Variants in PTCHD1 observed in about 807,000 individuals in gnomAD.
PTCHD1 encodes patched domain containing 1, also known as patched domain-containing protein 1.
PTCHD1 carries 3 observed loss-of-function variants against 34.6 expected under a neutral mutation model. That is an observed-to-expected ratio of 0.09 (90% CI 0.04 to 0.22). PTCHD1 has a LOEUF of 0.22. Among genes scored for constraint, PTCHD1 ranks in the 10% least tolerant of loss-of-function variants. The pLI, the probability that PTCHD1 is intolerant of heterozygous loss-of-function variation, is 1.00. For missense variants in PTCHD1, 504 were observed against 685.5 expected (o/e 0.74, Z 2.96); for synonymous variants, 305 against 283.1 (o/e 1.08, Z -0.77).
At chrX:23,392,314 GC>G (rs781602105) in intron 2 of PTCHD1, among the ~76,000 whole-genome samples, 53 of 109,888 alleles carry the variant, frequency 4.8e-4, no homozygotes, top group Non-Finnish European at 1.3e-4. Context: ...GAAGATCTTT[GC>G]TTCTCTAGCT....
In PTCHD1 at chrX:23,343,464, A is replaced by C. The variant is rs1921396122; in HGVS notation, c.351+8238A>C. 3.6e-5 allele frequency among the ~76,000 whole-genome samples: 4 copies of C among 111,877 alleles called. No individual in the cohort carries two copies. The Admixed American group carries it at 3.8e-4, about 11-fold the overall frequency. On this transcript the variant is annotated intron_variant, in intron 1 of 2. Coordinates refer to ENST00000379361, the MANE Select transcript of PTCHD1 (RefSeq NM_173495.3). The stretch of plus-strand genomic sequence containing the variant: ...ACTACACATTCCCTTATTTACTTAA[A>C]GAAAAGTCTCAAAACATTGGCCACA...
At chrX:23,347,427 A>C (rs979354230) in intron 1 of PTCHD1, among the ~76,000 whole-genome samples, 1 of 112,128 alleles carries the variant, frequency 8.9e-6, no homozygotes, top group Non-Finnish European at 1.9e-5. Flanking sequence ...GGAAAATCCA[A>C]CGTCAACAAG....
At chrX:23,347,676 T>G (rs1921512774) in intron 1 of PTCHD1, among the ~76,000 whole-genome samples, 1 of 111,443 alleles carries the variant, frequency 9.0e-6, no homozygotes, top group African/African-American at 3.3e-5. Flanking sequence ...GACTCGGATA[T>G]GGGAATTTAA....
At chrX:23,357,489 C>T (rs185925412) in intron 1 of PTCHD1, among the ~76,000 whole-genome samples, 110 of 110,904 alleles carry the variant, frequency 9.9e-4, no homozygotes, top group African/African-American at 3.2e-3. Flanking sequence ...TATATGCCTA[C>T]TCTGTGATCC....
rs138258444 is a variant in PTCHD1 at position 23,352,119 on chromosome X, G to A, written c.351+16893G>A. Among the ~76,000 whole-genome samples, 114 of 112,052 alleles carry A rather than the reference G, an allele frequency of 1.0e-3. No homozygotes were observed. In the East Asian group the frequency reaches 0.029, roughly 29 times the overall value. On this transcript the variant is annotated intron_variant, in intron 1 of 2. Coordinates refer to ENST00000379361, the MANE Select transcript of PTCHD1 (RefSeq NM_173495.3). ...TGACCTTAAAAAGAGAGAGAGCCAT[G>A]GGCCTTGATTTTCACAGGAGGGCGA...
At chrX:23,377,054 A>G (rs1470588062) in intron 1 of PTCHD1, among the ~76,000 whole-genome samples, 1 of 112,123 alleles carries the variant, frequency 8.9e-6, no homozygotes, top group Non-Finnish European at 1.9e-5. Context: ...ATCCCTAAAG[A>G]GTTTACAACT....
chrX:23,352,850 G>C (rs1361906304), intron 1 of PTCHD1, among the ~76,000 whole-genome samples: 2 of 111,886 alleles, frequency 1.8e-5, no homozygotes, highest in South Asian at 7.6e-4. Flanking sequence ...AGACTCTCAG[G>C]CTTCACCCAG....
At chrX:23,383,504 A>T (rs1454538187) in intron 2 of PTCHD1, among the ~76,000 whole-genome samples, 1 of 111,967 alleles carries the variant, frequency 8.9e-6, no homozygotes, top group Non-Finnish European at 1.9e-5. Context: ...AATTTGGATA[A>T]ACTCTTAAGA....
At chrX:23,368,726 T>C (rs1032135873) in intron 1 of PTCHD1, among the ~76,000 whole-genome samples, 1 of 112,048 alleles carries the variant, frequency 8.9e-6, no homozygotes, top group Admixed American at 9.4e-5. Flanking sequence ...TGTTTTGTTT[T>C]TTTCTTTTTC....
At chrX:23,342,306 A>G (rs1291373562) in intron 1 of PTCHD1, among the ~76,000 whole-genome samples, 1 of 9,840 alleles carries the variant, frequency 1.0e-4, no homozygotes. Context: ...ATATATATAT[A>G]TATATTTTTT....
Position 23,380,251 on chromosome X carries a change from G to A in PTCHD1, c.1012G>A (p.Gly338Ser), listed in dbSNP as rs760141022. Residue 338 changes from glycine (G) to serine (S), a missense_variant and splice_region_variant, in exon 2 of 3, where the codon GGT becomes AGT. Transcript: ENST00000379361. The part of the protein sequence containing the change: ...TFLGVPFVML[G>S]HGLYGTFEML... Reference sequence around the variant, plus strand: ...CCTGGGAGTCCCTTTCGTCATGCTAGGTAATTACTACTCTTCTTTCTTCTG... The same window carrying A: ...CCTGGGAGTCCCTTTCGTCATGCTAAGTAATTACTACTCTTCTTTCTTCTG... 8.3e-7 allele frequency: 1 copy of A among 1,205,059 alleles called. No individual in the cohort carries two copies. The highest frequency in any genetic ancestry group is 1.1e-6 in the Non-Finnish European group (1 of 890,291).
At chrX:23,377,256 G>A (rs1170071906) in intron 1 of PTCHD1, among the ~76,000 whole-genome samples, 1 of 112,103 alleles carries the variant, frequency 8.9e-6, no homozygotes, top group Non-Finnish European at 1.9e-5. Context: ...ATTACACTTA[G>A]GCATGCTTTC....
intron 1 of PTCHD1, among the ~76,000 whole-genome samples, chrX:23,352,048 T>G (rs1045274514): frequency 2.7e-5 from 3 of 111,579 alleles, no homozygotes; most frequent in African/African-American, 9.8e-5. Context: ...AGGAATGAAC[T>G]GTACTAGAAA....
In PTCHD1 at chrX:23,354,573, C is replaced by CTT. The variant is rs1205812443; in HGVS notation, c.351+19363_351+19364dup. Among the ~76,000 whole-genome samples, 241 of 86,580 alleles carry CTT rather than the reference C, an allele frequency of 2.8e-3. 3 individuals are homozygous for CTT. Among genetic ancestry groups the CTT allele is most frequent in the African/African-American group, 8.8e-3 (201 of 22,932 alleles). The allele number at this position is 86,580 out of a possible 115,157, so 75.2% of individuals were successfully genotyped here. On this transcript the variant is annotated intron_variant, in intron 1 of 2. Transcript: ENST00000379361. ...AATGGCTTGGGAACAAGGTGAAATT[C>CTT]TTTTTTTTTTTTTTTTTGAGACGGA...
chrX:23,363,399 C>T (rs771737215), intron 1 of PTCHD1, among the ~76,000 whole-genome samples: 46 of 112,923 alleles, frequency 4.1e-4, no homozygotes, highest in Non-Finnish European at 4.9e-4. Flanking sequence ...CCTCGCAGGT[C>T]GATCTCAGAC....
chrX:23,360,216 G>A (rs1426895737), intron 1 of PTCHD1, among the ~76,000 whole-genome samples: 1 of 111,957 alleles, frequency 8.9e-6, no homozygotes. Flanking sequence ...AGTTTCAGAA[G>A]GAATGGTACC....
rs1295226914 is a variant in PTCHD1, at chrX:23,361,427, C to G, written c.352-18164C>G. On this transcript the variant is annotated intron_variant, in intron 1 of 2. Transcript: ENST00000379361. ...AATGGCCTTCTTTGTCTCTTTTGAT[C>G]TTTGTTGGTTTAAAGTCTGTTTTAT... Among the ~76,000 whole-genome samples the G allele has an allele frequency of 2.1e-4, 23 of 111,256 alleles. No homozygotes were observed. In the Admixed American group the frequency reaches 2.1e-3, roughly 10 times the overall value.
chrX:23,387,101 C>T lies in PTCHD1; in HGVS notation c.1013-5430C>T, dbSNP rs144266082. 3.1e-3 allele frequency among the ~76,000 whole-genome samples: 345 copies of T among 112,181 alleles called. 2 individuals are homozygous for T. Among genetic ancestry groups the T allele is most frequent in the African/African-American group, 9.8e-3 (301 of 30,857 alleles). On this transcript the variant is annotated intron_variant, in intron 2 of 2. Coordinates refer to ENST00000379361, the MANE Select transcript of PTCHD1 (RefSeq NM_173495.3). ...TATACAAAGTAGATCAATTTGCCTACGATTATTCATTGAAAACCAAACAAC... is the reference window on the plus strand; with the variant it reads ...TATACAAAGTAGATCAATTTGCCTATGATTATTCATTGAAAACCAAACAAC...
At chrX:23,363,680 G>T (rs1388577091) in intron 1 of PTCHD1, among the ~76,000 whole-genome samples, 1 of 112,765 alleles carries the variant, frequency 8.9e-6, no homozygotes, top group Non-Finnish European at 1.9e-5. Flanking sequence ...ACCAGTCCCA[G>T]TGAGATGAAC....
Sources: gnomAD v4.1 joint callset for allele counts (sites outside exome capture counted in the v4.1 genomes callset) on GRCh38, gnomAD v4.1.1 for gene constraint, MANE v1.5 for transcripts, NCBI Gene and HGNC (gene_info 2026-07-23, HGNC 2026-07-21) for gene names.